IL1RAPL1: variants seen among roughly 807,000 people sequenced by gnomAD.
IL1RAPL1 encodes the protein interleukin-1 receptor accessory protein-like 1.
In IL1RAPL1, 3 loss-of-function variants were observed where a neutral mutation model predicts 48.4. The observed-to-expected ratio is 0.06, with a 90% CI of 0.03 to 0.16. The LOEUF is 0.16. Ranked by LOEUF, IL1RAPL1 falls within the 10% of genes least tolerant of loss-of-function variation. The pLI is 1.00. For synonymous variants in IL1RAPL1, 185 were observed against 187.7 expected, an observed-to-expected ratio of 0.99 and a Z score of 0.12; for missense variants, 349 against 530.6, an observed-to-expected ratio of 0.66 and a Z score of 3.36.
At chrX:29,305,824 A>G (rs1397860390) in intron 3 of IL1RAPL1, among the ~76,000 whole-genome samples, 1 of 112,090 alleles carries the variant, frequency 8.9e-6, no homozygotes, top group African/African-American at 3.2e-5. Flanking sequence ...GTACAGTGAA[A>G]CAATTTGAGC....
At chrX:28,607,623 G>A (rs1335327682) in intron 1 of IL1RAPL1, among the ~76,000 whole-genome samples, 2 of 110,988 alleles carry the variant, frequency 1.8e-5, no homozygotes, top group Non-Finnish European at 3.8e-5. Flanking sequence ...AATGTTGTAA[G>A]TTTTCCTCTA....
At chrX:28,768,751 CTCTCTATA>C (rs796663992) in intron 1 of IL1RAPL1, among the ~76,000 whole-genome samples, 1,390 of 63,295 alleles carry the variant, frequency 0.022, 35 homozygotes, top group African/African-American at 0.055. Context: ...CTCTCTCTCT[CTCTCTATA>C]TATATATATA....
intron 2 of IL1RAPL1, among the ~76,000 whole-genome samples, chrX:29,213,278 G>A (rs1229572076): frequency 2.7e-5 from 3 of 112,085 alleles, no homozygotes; most frequent in African/African-American, 6.5e-5. Context: ...GATTACAGGC[G>A]TGAGCCACCG....
At chrX:29,539,585 G>A (rs915886678) in intron 5 of IL1RAPL1, among the ~76,000 whole-genome samples, 1 of 110,969 alleles carries the variant, frequency 9.0e-6, no homozygotes, top group African/African-American at 3.3e-5. Flanking sequence ...GATCATGGGG[G>A]TGGAGTTCTC....
intron 2 of IL1RAPL1, among the ~76,000 whole-genome samples, chrX:28,972,476 C>T (rs971343393): frequency 3.6e-5 from 4 of 111,453 alleles, no homozygotes; most frequent in Non-Finnish European, 7.5e-5. Context: ...CGGTGGCTCA[C>T]GCCTGTAATC....
intron 5 of IL1RAPL1, among the ~76,000 whole-genome samples, chrX:29,634,859 G>A (rs749105150): frequency 1.8e-5 from 2 of 111,565 alleles, no homozygotes; most frequent in East Asian, 2.8e-4. Flanking sequence ...CAGATAAAAC[G>A]AACTATTAGA....
chrX:29,740,727 C>T (rs1928175844), intron 6 of IL1RAPL1, among the ~76,000 whole-genome samples: 1 of 111,825 alleles, frequency 8.9e-6, no homozygotes, highest in Non-Finnish European at 1.9e-5. Context: ...CTGTCTAACT[C>T]AACATTTTGC....
At chrX:28,998,272 A>T (rs1219219669) in intron 2 of IL1RAPL1, among the ~76,000 whole-genome samples, 3 of 111,413 alleles carry the variant, frequency 2.7e-5, no homozygotes. Flanking sequence ...ATTCAGGAAA[A>T]AAAAAATGGC....
intron 2 of IL1RAPL1, among the ~76,000 whole-genome samples, chrX:28,812,401 T>C (rs977652595): frequency 2.7e-5 from 3 of 111,131 alleles, no homozygotes; most frequent in African/African-American, 9.7e-5. Context: ...TAAATTTAAC[T>C]ACATATTCTT....
intron 5 of IL1RAPL1, among the ~76,000 whole-genome samples, chrX:29,666,930 A>G (rs1022256939): frequency 8.9e-6 from 1 of 112,120 alleles, no homozygotes; most frequent in African/African-American, 3.2e-5. Context: ...TAGATTTCCA[A>G]CCTATTAATG....
chrX:29,941,431 T>A (rs1436555989), intron 8 of IL1RAPL1, among the ~76,000 whole-genome samples: 1 of 111,821 alleles, frequency 8.9e-6, no homozygotes, highest in Non-Finnish European at 1.9e-5. Flanking sequence ...CAATGTTGCT[T>A]AGCAACATGG....
chrX:29,092,927 C>G (rs1381041447), intron 2 of IL1RAPL1, among the ~76,000 whole-genome samples: 1 of 111,877 alleles, frequency 8.9e-6, no homozygotes, highest in Non-Finnish European at 1.9e-5. Context: ...TTTGACTCAG[C>G]AAATCTTTGT....
At chrX:29,144,847 C>T (rs1929318326) in intron 2 of IL1RAPL1, among the ~76,000 whole-genome samples, 1 of 106,463 alleles carries the variant, frequency 9.4e-6, no homozygotes, top group Non-Finnish European at 1.9e-5. Context: ...CTGCCTCAGC[C>T]TCCTGAGGAG....
chrX:28,879,927 A>G (rs1200105757), intron 2 of IL1RAPL1, among the ~76,000 whole-genome samples: 4 of 111,746 alleles, frequency 3.6e-5, no homozygotes, highest in Non-Finnish European at 5.6e-5. Context: ...TTACAAAAGC[A>G]TAACTGTGGA....
intron 1 of IL1RAPL1, among the ~76,000 whole-genome samples, chrX:28,610,396 T>C (rs1413803905): frequency 8.9e-6 from 1 of 112,066 alleles, no homozygotes; most frequent in East Asian, 2.8e-4. Flanking sequence ...CCTGTATTAC[T>C]GTAGGCATAT....
intron 1 of IL1RAPL1, among the ~76,000 whole-genome samples, chrX:28,724,954 T>G (rs781063261): frequency 4.2e-4 from 45 of 105,884 alleles, no homozygotes; most frequent in Admixed American, 3.1e-3. Flanking sequence ...AATTTGTTTT[T>G]TTTTTTTTTT....
At chrX:29,725,414 T>C (rs1927749556) in intron 6 of IL1RAPL1, among the ~76,000 whole-genome samples, 1 of 111,602 alleles carries the variant, frequency 9.0e-6, no homozygotes, top group Non-Finnish European at 1.9e-5. Flanking sequence ...GGGTATCATG[T>C]CCCTTGTTTT....
chrX:29,936,904 A>G (rs1477935155), intron 8 of IL1RAPL1, among the ~76,000 whole-genome samples: 1 of 112,071 alleles, frequency 8.9e-6, no homozygotes, highest in East Asian at 2.8e-4. Context: ...AAATGCTTGT[A>G]GCAAATCTAG....
chrX:28,957,925 C>A (rs775293237), intron 2 of IL1RAPL1, among the ~76,000 whole-genome samples: 1 of 109,446 alleles, frequency 9.1e-6, no homozygotes, highest in Non-Finnish European at 1.9e-5. Flanking sequence ...CACCACTGCT[C>A]TGCAGCCTGG....
Sources: allele counts gnomAD v4.1 joint callset (sites outside exome capture counted in the v4.1 genomes callset), GRCh38; gene constraint gnomAD v4.1.1; transcripts MANE v1.5; gene names NCBI Gene and HGNC (gene_info 2026-07-23, HGNC 2026-07-21).